The following KDM6B variants were observed in gnomAD, a reference collection of about 807,000 sequenced individuals.
KDM6B encodes lysine demethylase 6B, also known as lysine-specific demethylase 6B.
In KDM6B, 22 loss-of-function variants were observed where a neutral mutation model predicts 150.4. The observed-to-expected ratio is 0.15, with a 90% CI of 0.10 to 0.21. The LOEUF is 0.21. KDM6B is among the 10% of genes least tolerant of loss of function. KDM6B has a pLI of 1.00. For synonymous variants in KDM6B, 1,148 were observed against 921.1 expected (o/e 1.25, Z -4.46); for missense variants, 1,984 against 2,234.3 (o/e 0.89, Z 2.26).
rs1487150009 is a variant in KDM6B at position 7,847,446 on chromosome 17, A to T, written c.1251A>T (p.Pro417=). The change falls in exon 11 of 24, where the codon CCA becomes CCT. Residue 417 remains proline (P), a synonymous_variant. Coordinates refer to ENST00000448097, the MANE Select transcript of KDM6B (RefSeq NM_001348716.2). ...NTGLRGVEPN[P]GIPGADHYQT... ...GTCTCCGGGGCGTGGAGCCGAACCC[A>T]GGCATTGTGAGTGACAACTGAGGGT... 6.2e-7 allele frequency: 1 copy of T among 1,613,418 alleles called. No homozygotes were observed. The highest frequency in any genetic ancestry group is 1.3e-5 in the African/African-American group (1 of 74,868).
intron 1 of KDM6B, among the ~76,000 whole-genome samples, chr17:7,835,796 G>A (rs1340516137): frequency 1.3e-5 from 2 of 148,714 alleles, no homozygotes; most frequent in African/African-American, 5.0e-5. Flanking sequence ...GCGCCTGCGC[G>A]GCGAGCCGGG....
chr17:7,844,980 A>C lies in KDM6B; in HGVS notation c.-189A>C, dbSNP rs1313662570. Reference sequence around the variant, plus strand: ...GTCCTGTGATTGGCCAGATCTCTGGAGCTTGCCGACGCGGTGTGAGGACGC... The same window carrying C: ...GTCCTGTGATTGGCCAGATCTCTGGCGCTTGCCGACGCGGTGTGAGGACGC... On this transcript the variant is annotated 5_prime_UTR_variant, in exon 3 of 24. Coordinates refer to ENST00000448097, the MANE Select transcript of KDM6B (RefSeq NM_001348716.2). This position sits in a 1 kb window ranked among gnomAD's most constrained non-coding sequence, Gnocchi z 5.9. The C allele has an allele frequency of 5.4e-6, 1 of 184,076 alleles. No individual in the cohort carries two copies. The highest frequency in any genetic ancestry group is 1.2e-5 in the Non-Finnish European group (1 of 84,482). 11.4% of individuals were successfully genotyped at this position (184,076 alleles called of 1,614,324 possible).
In KDM6B at chr17:7,843,606, C is replaced by T. The variant is rs1254657237; in HGVS notation, c.-268-1295C>T. On this transcript the variant is annotated intron_variant, in intron 2 of 23. Transcript: ENST00000448097. The surrounding 1 kb of genome is among the most constrained non-coding windows in gnomAD (Gnocchi z 4.5). Reference sequence around the variant, plus strand: ...GCAGACTTCTCTCAACGAACGCGAACTTTCCAGCCACCCCCAGCCCCTCGT... The same window carrying T: ...GCAGACTTCTCTCAACGAACGCGAATTTTCCAGCCACCCCCAGCCCCTCGT... Among the ~76,000 whole-genome samples, 6 of 152,224 alleles carry T rather than the reference C, an allele frequency of 3.9e-5. No individual in the cohort carries two copies. The highest frequency in any genetic ancestry group is 1.4e-4 in the African/African-American group (6 of 41,474).
At position 7,851,803 on chromosome 17, in the gene KDM6B, T is replaced by A. The variant is rs752816241; in HGVS notation, c.4165+7T>A. On this transcript the variant is annotated splice_region_variant and intron_variant, in intron 18 of 23. Coordinates refer to ENST00000448097, the MANE Select transcript of KDM6B (RefSeq NM_001348716.2). ...CCCGGCAGCCGAACGCCAGGTGCGC[T>A]CCACGCCTGTGCGCGCTGATGCTGG... 3 of 1,555,462 alleles carry A rather than the reference T, an allele frequency of 1.9e-6. No homozygotes were observed. Among genetic ancestry groups the A allele is most frequent in the African/African-American group, 2.7e-5 (2 of 73,238 alleles).
rs191907507 is a variant in KDM6B, at chr17:7,838,596, C to G, written c.-387-1310C>G. ...CCCCCACTCTGTTGTCCAGACACCC[C>G]TCACACACCCTCTGACCCCCTAGGC... is the stretch of plus-strand genomic sequence containing the variant. On this transcript the variant is annotated intron_variant, in intron 1 of 23. Transcript: ENST00000448097. Among the ~76,000 whole-genome samples, 394 of 135,702 alleles carry G rather than the reference C, an allele frequency of 2.9e-3. 3 individuals carry two copies. Among genetic ancestry groups the G allele is most frequent in the Non-Finnish European group, 5.2e-3 (330 of 62,906 alleles). The allele number at this position is 135,702 out of a possible 152,430, so 89.0% of individuals were successfully genotyped here.
In KDM6B at chr17:7,847,829, C is replaced by CA; in HGVS notation, c.1541_1542insA (p.Ala515CysfsTer40). The CA allele has an allele frequency of 6.7e-7, 1 of 1,485,388 alleles. No homozygotes were observed. The highest frequency in any genetic ancestry group is 9.2e-7 in the Non-Finnish European group (1 of 1,088,788). The allele number at this position is 1,485,388 out of a possible 1,614,324, so 92.0% of individuals were successfully genotyped here. On this transcript the variant is annotated frameshift_variant, in exon 12 of 24. Coordinates refer to ENST00000448097, the MANE Select transcript of KDM6B (RefSeq NM_001348716.2). LOFTEE classifies it high-confidence loss of function. ...TTTGGGACTGAGGGACCCCCCCGCC[C>CA]TGCCCCACCACCCCTCCCCCATCGC...
At chr17:7,850,657 C>CA (rs2078673521) in intron 14 of KDM6B, among the ~76,000 whole-genome samples, 1 of 149,950 alleles carries the variant, frequency 6.7e-6, no homozygotes. Flanking sequence ...AATGGTAACT[C>CA]AAAGAAGCTG....
intron 20 of KDM6B, 64 bp downstream of exon 20, chr17:7,852,400 G>C: frequency 7.8e-7 from 1 of 1,289,962 alleles, no homozygotes; most frequent in South Asian, 1.4e-5. Flanking sequence ...TGGGAGGCTG[G>C]GGCTTGGAGA....
In KDM6B at chr17:7,848,878, T is replaced by C. The variant is rs752964571; in HGVS notation, c.2590T>C (p.Ser864Pro). Residue 864 changes from serine to proline, a missense_variant, in exon 12 of 24, where the codon TCT becomes CCT. Physicochemically the swap from Ser to Pro is moderately conservative, Grantham distance 74 (BLOSUM62 -1). This residue lies in a region of KDM6B where 1,379 missense variants were observed against 1,275.6 expected (regional missense o/e 1.08). Transcript: ENST00000448097. ...APSAQGSPQP[S>P]ASSSSQFSTS... ...TAGCGCCCAGGGCTCCCCACAGCCC[T>C]CTGCTTCCTCGTCATCTCAGTTCTC... is the stretch of plus-strand genomic sequence containing the variant. 2 of 1,607,586 alleles carry C rather than the reference T, an allele frequency of 1.2e-6. No individual in the cohort carries two copies. Among genetic ancestry groups the C allele is most frequent in the East Asian group, 2.2e-5 (1 of 44,712 alleles).
intron 12 of KDM6B, 41 bp downstream of exon 12, chr17:7,849,769 C>T (rs750908583): frequency 3.7e-5 from 59 of 1,612,688 alleles, no homozygotes; most frequent in Non-Finnish European, 4.7e-5. Context: ...AGACAGGCTC[C>T]CTTCCCCCAT....
chr17:7,834,649 C>G (rs2078295265), intron 1 of KDM6B, among the ~76,000 whole-genome samples: 1 of 151,848 alleles, frequency 6.6e-6, no homozygotes, highest in Admixed American at 6.6e-5. Flanking sequence ...CGGGGCGGGG[C>G]GCGGCGGTCC....
In KDM6B at chr17:7,847,443, C is replaced by T; in HGVS notation, c.1248C>T (p.Asn416=). ...CTGGTCTCCGGGGCGTGGAGCCGAA[C>T]CCAGGCATTGTGAGTGACAACTGAG... is the stretch of plus-strand genomic sequence containing the variant. The part of the protein sequence containing the change: ...SNTGLRGVEP[N]PGIPGADHYQ... The change falls in exon 11 of 24, where the codon AAC becomes AAT. Residue 416 remains asparagine (N), a synonymous_variant. Transcript: ENST00000448097. The T allele has an allele frequency of 6.2e-7, 1 of 1,613,698 alleles. No individual in the cohort carries two copies. The highest frequency in any genetic ancestry group is 1.7e-5 in the Admixed American group (1 of 60,008).
At chr17:7,835,838 G>A (rs115592072) in intron 1 of KDM6B, among the ~76,000 whole-genome samples, 7,016 of 151,286 alleles carry the variant, frequency 0.046, 370 homozygotes, top group South Asian at 0.15. Flanking sequence ...TCTGTGTAAA[G>A]CCGCCTGAGG....
Position 7,852,956 on chromosome 17 carries a change from C to G in KDM6B, c.4611-44C>G, listed in dbSNP as rs376666009. The G allele has an allele frequency of 1.9e-6, 3 of 1,612,880 alleles. No homozygotes were observed. The Admixed American group carries it at 5.0e-5, about 27-fold the overall frequency. ...CCCTTGCTCCAGCCCTGCCTCAGGC[C>G]TCCTCCTTGCCGGTGGTCTCAACAC... On this transcript the variant is annotated intron_variant, in intron 21 of 23. Coordinates refer to ENST00000448097, the MANE Select transcript of KDM6B (RefSeq NM_001348716.2).
intron 2 of KDM6B, among the ~76,000 whole-genome samples, chr17:7,841,312 A>G (rs1267624647): frequency 6.6e-6 from 1 of 152,264 alleles, no homozygotes; most frequent in East Asian, 1.9e-4. Context: ...GAAGGCAGAC[A>G]GACCTCCAAA....
intron 19 of KDM6B, 26 bp downstream of exon 19, chr17:7,852,091 A>G (rs1461301434): frequency 1.2e-6 from 2 of 1,613,588 alleles, no homozygotes; most frequent in Non-Finnish European, 1.7e-6. Flanking sequence ...CGCAAGTCAG[A>G]CTGCCGCGTC....
chr17:7,847,764 G>T lies in KDM6B; in HGVS notation c.1476G>T (p.Arg492=). The T allele has an allele frequency of 6.5e-7, 1 of 1,545,952 alleles. No homozygotes were observed. The highest frequency in any genetic ancestry group is 8.7e-7 in the Non-Finnish European group (1 of 1,147,854). Residue 492 remains arginine (R), a synonymous_variant, in exon 12 of 24, where the codon CGG becomes CGT. Transcript: ENST00000448097. ...PPAWLKGPAC[R]AAREDGEILE... ...CCTGGTTGAAGGGTCCGGCCTGCCG[G>T]GCAGCCCGAGAGGATGGAGAGATCT...
At chr17:7,836,706 G>A (rs181088914) in intron 1 of KDM6B, among the ~76,000 whole-genome samples, 4 of 152,388 alleles carry the variant, frequency 2.6e-5, no homozygotes, top group African/African-American at 9.6e-5. Flanking sequence ...AGTCGTATTA[G>A]GGGTAAAAGA....
chr17:7,835,347 T>G (rs1222223942), intron 1 of KDM6B, among the ~76,000 whole-genome samples: 2 of 151,740 alleles, frequency 1.3e-5, no homozygotes, highest in African/African-American at 4.8e-5. Flanking sequence ...GCCTGAAGAC[T>G]GTGGGGAAGG....
Sources: allele counts gnomAD v4.1 joint callset (sites outside exome capture counted in the v4.1 genomes callset), GRCh38; gene constraint gnomAD v4.1.1; regional missense constraint gnomAD v4.1.1; non-coding constraint Gnocchi (gnomAD v3.1); transcripts MANE v1.5; gene names NCBI Gene and HGNC (gene_info 2026-07-23, HGNC 2026-07-21).